Variants in ASB2 observed in about 807,000 individuals in gnomAD.
ASB2 encodes ankyrin repeat and SOCS box containing 2.
ASB2 carries 58 observed loss-of-function variants against 62.4 expected under a neutral mutation model. The observed-to-expected ratio is 0.93, with a 90% CI of 0.75 to 1.16. ASB2 has a LOEUF of 1.16. ASB2 is among the 50% of genes most tolerant of loss of function. The probability of loss-of-function intolerance (pLI) is 0.00; values close to 1 mark genes in which losing one functional copy is unlikely to be tolerated. For synonymous variants in ASB2, 386 were observed against 385.3 expected (o/e 1.00, Z -0.02); for missense variants, 928 against 887.9 (o/e 1.05, Z -0.57).
chr14:93,962,275 C>T (rs928998764), intron 2 of ASB2, among the ~76,000 whole-genome samples: 1 of 151,746 alleles, frequency 6.6e-6, no homozygotes, highest in African/African-American at 2.4e-5. Flanking sequence ...CCACTACGCC[C>T]GGCTAATTTT....
rs1410245653 is a variant in ASB2, at chr14:93,939,122, GC to G, written c.1602del (p.Glu534AspfsTer16). Reference protein sequence around the residue: ...RFNDAPAADKEPSVVQFCEFV... With the variant: ...RFNDAPAADKXPSVVQFCEFV... ...GCGCTGCCCACCTGCACCACGCTGG[GC>G]TCCTTGTCGGCCGCGGGCGCGTCGT... On this transcript the variant is annotated frameshift_variant, in exon 8 of 10. Transcript: ENST00000555019. LOFTEE classifies it high-confidence loss of function. 1 of 1,521,702 alleles carries G rather than the reference GC, an allele frequency of 6.6e-7. No individual in the cohort carries two copies. The highest frequency in any genetic ancestry group is 1.4e-5 in the African/African-American group (1 of 72,542). 94.3% of individuals were successfully genotyped at this position (1,521,702 alleles called of 1,614,324 possible).
chr14:93,957,119 G>T (rs1889253433), intron 2 of ASB2: 1 of 1,378,204 alleles, frequency 7.3e-7, no homozygotes, highest in Non-Finnish European at 9.3e-7. Flanking sequence ...CAACAATGAG[G>T]TTAACCTCAC....
chr14:93,956,942 C>T, intron 2 of ASB2, 72 bp from the exon 3 acceptor site: 5 of 1,601,440 alleles, frequency 3.1e-6, no homozygotes, highest in South Asian at 1.1e-5. Flanking sequence ...TGGCTTCAGG[C>T]AGGAATGAGG....
chr14:93,940,139 C>G (rs1462517712), intron 7 of ASB2: 1 of 158,596 alleles, frequency 6.3e-6, no homozygotes, highest in East Asian at 1.9e-4. Context: ...CCAACCTCCT[C>G]CCTGCAGGAG....
Position 93,953,379 on chromosome 14 carries a change from T to C in ASB2, c.607A>G (p.Lys203Glu). ...TTGTAGAGCGGTGTCTCTCGGGATT[T>C]GTTGGAGATGTCCGGCTCTGCCCCT... ...QAGAEPDISN[K>E]SRETPLYKAC... The change falls in exon 5 of 10, where the codon AAA becomes GAA. Residue 203 changes from lysine (K) to glutamate (E), a missense_variant. By Grantham distance (56) the Lys-to-Glu change is moderately conservative. Coordinates refer to ENST00000555019, the MANE Select transcript of ASB2 (RefSeq NM_001202429.2). 6.3e-7 allele frequency: 1 copy of C among 1,594,578 alleles called. No homozygotes were observed. The highest frequency in any genetic ancestry group is 8.6e-7 in the Non-Finnish European group (1 of 1,164,720).
At chr14:93,952,084 A>T (rs1888991434) in intron 5 of ASB2, among the ~76,000 whole-genome samples, 1 of 152,238 alleles carries the variant, frequency 6.6e-6, no homozygotes, top group African/African-American at 2.4e-5. Flanking sequence ...GGAGACTGGC[A>T]GCAGGGGGAG....
chr14:93,953,981 G>A (rs1179998141), intron 4 of ASB2, among the ~76,000 whole-genome samples: 3 of 152,264 alleles, frequency 2.0e-5, no homozygotes, highest in East Asian at 3.9e-4. Context: ...AGCCTTGGCC[G>A]GGCACAGGCA....
At chr14:93,959,210 G>A (rs1452716202) in intron 2 of ASB2, among the ~76,000 whole-genome samples, 1 of 152,202 alleles carries the variant, frequency 6.6e-6, no homozygotes, top group Non-Finnish European at 1.5e-5. Flanking sequence ...GGGTGGTGAT[G>A]CAGCTCATTA....
intron 6 of ASB2, among the ~76,000 whole-genome samples, chr14:93,948,981 G>A (rs2141287852): frequency 6.6e-6 from 1 of 152,348 alleles, no homozygotes; most frequent in Admixed American, 6.5e-5. Flanking sequence ...ATTAATCCAT[G>A]CTGCTAGAAG....
chr14:93,939,553 G>A lies in ASB2; in HGVS notation c.1172C>T (p.Ala391Val), dbSNP rs1431900862. 1 of 1,595,190 alleles carries A rather than the reference G, an allele frequency of 6.3e-7. No individual in the cohort carries two copies. The highest frequency in any genetic ancestry group is 8.5e-7 in the Non-Finnish European group (1 of 1,173,112). Residue 391 changes from alanine to valine, a missense_variant, in exon 8 of 10, where the codon GCG becomes GTG. Physicochemically the swap from Ala to Val is moderately conservative, Grantham distance 64. Coordinates refer to ENST00000555019, the MANE Select transcript of ASB2 (RefSeq NM_001202429.2). ...HDEVLEALLS[A>V]RFDVNTPLAP... ...CAGCGGCGTGTTCACGTCGAAGCGC[G>A]CGCTCAGCAGCGCCTCCAGCACCTC...
intron 1 of ASB2, among the ~76,000 whole-genome samples, chr14:93,971,042 G>A (rs1889743244): frequency 6.6e-6 from 1 of 152,228 alleles, no homozygotes; most frequent in Non-Finnish European, 1.5e-5. Context: ...GATGCTACCT[G>A]AAACTCGTGC....
At chr14:93,972,722 G>A (rs142719631) in intron 1 of ASB2, among the ~76,000 whole-genome samples, 1 of 152,182 alleles carries the variant, frequency 6.6e-6, no homozygotes, top group African/African-American at 2.4e-5. Context: ...GGTAAGGAAG[G>A]GGGGATGGAA....
chr14:93,953,291 G>C (rs1889039817), intron 5 of ASB2, 61 bp downstream of exon 5: 1 of 1,447,898 alleles, frequency 6.9e-7, no homozygotes, highest in South Asian at 1.4e-5. Context: ...AACATTCCCT[G>C]TTGCTCACCC....
intron 1 of ASB2, among the ~76,000 whole-genome samples, chr14:93,966,124 G>T (rs1889584706): frequency 6.6e-6 from 1 of 152,254 alleles, no homozygotes; most frequent in Non-Finnish European, 1.5e-5. Context: ...CCTTATGTGA[G>T]GAGGTCAAAG....
chr14:93,946,892 T>G (rs1888744801), intron 7 of ASB2, among the ~76,000 whole-genome samples: 1 of 152,212 alleles, frequency 6.6e-6, no homozygotes, highest in Admixed American at 6.5e-5. Context: ...GAAATATTCA[T>G]TAGCTCAGAC....
At position 93,960,224 on chromosome 14, in the gene ASB2, T is replaced by C. The variant is rs118013938; in HGVS notation, c.207-3354A>G. The stretch of plus-strand genomic sequence containing the variant: ...CTCCTATTCATCCTGCAAAGCCTAC[T>C]TCCTTGACTAAGTGAATTGACCTTT... On this transcript the variant is annotated intron_variant, in intron 2 of 9. Transcript: ENST00000555019. Among the ~76,000 whole-genome samples, 133 of 152,326 alleles carry C rather than the reference T, an allele frequency of 8.7e-4. 5 individuals are homozygous for C. In the East Asian group the frequency reaches 0.022, roughly 26 times the overall value.
At chr14:93,940,369 G>T (rs1018849858) in intron 7 of ASB2, 2 of 152,244 alleles carry the variant, frequency 1.3e-5, no homozygotes, top group South Asian at 2.1e-4. Context: ...TAAGGGGCTT[G>T]CCCAGTCATA....
At chr14:93,955,430 A>G (rs1485004109) in intron 3 of ASB2, 1 of 316,002 alleles carries the variant, frequency 3.2e-6, no homozygotes, top group South Asian at 2.7e-5. Flanking sequence ...AACTGATCAG[A>G]TAAGTCCTGA....
intron 1 of ASB2, among the ~76,000 whole-genome samples, chr14:93,964,835 G>GCATC (rs1889536159): frequency 6.6e-6 from 1 of 150,840 alleles, no homozygotes; most frequent in African/African-American, 2.4e-5. Context: ...ATCCATTTAT[G>GCATC]CATCCTCCCA....
Sources: gnomAD v4.1 joint callset for allele counts (sites outside exome capture counted in the v4.1 genomes callset) on GRCh38, gnomAD v4.1.1 for gene constraint, MANE v1.5 for transcripts, NCBI Gene and HGNC (gene_info 2026-07-23, HGNC 2026-07-21) for gene names.